Variants in DYNLRB1 observed in about 807,000 individuals in gnomAD.
The protein encoded by DYNLRB1 is ROBL/LC7-like 1.
DYNLRB1 carries 6 observed loss-of-function variants against 13.5 expected under a neutral mutation model. The observed-to-expected ratio is 0.44, with a 90% CI of 0.24 to 0.88. The LOEUF (loss-of-function observed/expected upper bound fraction) is 0.88, where lower values mean the gene tolerates loss of function less well. DYNLRB1 is among the 40% of genes least tolerant of loss of function. DYNLRB1 has a pLI of 0.21. For synonymous variants in DYNLRB1, 43 were observed against 45.0 expected, an observed-to-expected ratio of 0.96 and a Z score of 0.18; for missense variants, 93 against 127.2, an observed-to-expected ratio of 0.73 and a Z score of 1.29.
At chr20:34,526,042 G>A (rs948396461) in intron 1 of DYNLRB1, among the ~76,000 whole-genome samples, 8 of 152,188 alleles carry the variant, frequency 5.3e-5, no homozygotes, top group Non-Finnish European at 1.2e-4. Flanking sequence ...TGGGCAGAGC[G>A]CCAGGAGCAG....
At chr20:34,524,442 C>G (rs11905750) in intron 1 of DYNLRB1, among the ~76,000 whole-genome samples, 254 of 152,294 alleles carry the variant, frequency 1.7e-3, no homozygotes, top group African/African-American at 5.7e-3. Flanking sequence ...CTGCATTCTG[C>G]TATTGCAAAT....
intron 3 of DYNLRB1, chr20:34,536,431 A>C: frequency 1.0e-6 from 1 of 985,398 alleles, no homozygotes; most frequent in Non-Finnish European, 1.2e-6. Flanking sequence ...GTGACTGCAG[A>C]GGACAAAGCT....
intron 1 of DYNLRB1, among the ~76,000 whole-genome samples, chr20:34,521,403 A>T (rs1324573957): frequency 1.3e-5 from 2 of 150,884 alleles, no homozygotes; most frequent in African/African-American, 4.9e-5. Context: ...TCTTTTGTGC[A>T]CTACCTACTA....
At chr20:34,539,814 TA>T (rs1383845640) in intron 3 of DYNLRB1, among the ~76,000 whole-genome samples, 1 of 151,796 alleles carries the variant, frequency 6.6e-6, no homozygotes, top group Non-Finnish European at 1.5e-5. Context: ...AAAAACTTTT[TA>T]AAAATTTACC....
intron 3 of DYNLRB1, chr20:34,536,070 G>T: frequency 1.6e-5 from 16 of 985,392 alleles, no homozygotes; most frequent in Non-Finnish European, 1.9e-5. Context: ...GGCTCCCTGG[G>T]ACACTCCCTA....
At position 34,516,445 on chromosome 20, in the gene DYNLRB1, C is replaced by G. The variant is rs1568595759; in HGVS notation, c.-14C>G. 1.9e-6 allele frequency: 3 copies of G among 1,613,282 alleles called. No homozygotes were observed. The highest frequency in any genetic ancestry group is 4.5e-5 in the East Asian group (2 of 44,838). On this transcript the variant is annotated 5_prime_UTR_variant, in exon 1 of 4. Coordinates refer to ENST00000357156, the MANE Select transcript of DYNLRB1 (RefSeq NM_014183.4). Reference sequence around the variant, plus strand: ...CTAAGTGTTCGCTACGCGGGGCTACCGGATCGGTCGGAAATGGTGAGCGTG... The same window carrying G: ...CTAAGTGTTCGCTACGCGGGGCTACGGGATCGGTCGGAAATGGTGAGCGTG...
rs969867525 is a variant in DYNLRB1, at chr20:34,533,403, G to A, written c.80-1225G>A. On this transcript the variant is annotated intron_variant, in intron 2 of 3. Coordinates refer to ENST00000357156, the MANE Select transcript of DYNLRB1 (RefSeq NM_014183.4). ...GCCTGTTGTACAAACATAGAAACAT[G>A]CTTTAACTTGGCACGGCCATGTGGA... is the stretch of plus-strand genomic sequence containing the variant. 1.0e-5 allele frequency: 9 copies of A among 876,026 alleles called. No homozygotes were observed. In the South Asian group the frequency reaches 3.2e-4, roughly 31 times the overall value. 54.3% of individuals were successfully genotyped at this position (876,026 alleles called of 1,614,324 possible).
intron 1 of DYNLRB1, among the ~76,000 whole-genome samples, chr20:34,522,816 G>T (rs6088516): frequency 6.6e-6 from 1 of 152,150 alleles, no homozygotes; most frequent in South Asian, 2.1e-4. Flanking sequence ...TCTGGTTCTC[G>T]TTGAGTTTCA....
intron 3 of DYNLRB1, chr20:34,536,127 T>TA (rs1414697799): frequency 2.0e-6 from 2 of 985,298 alleles, no homozygotes; most frequent in Non-Finnish European, 2.4e-6. Flanking sequence ...AACATAAGAA[T>TA]AACTCCAGAG....
intron 2 of DYNLRB1, among the ~76,000 whole-genome samples, chr20:34,527,157 T>G (rs1272087212): frequency 2.6e-5 from 4 of 152,208 alleles, no homozygotes; most frequent in Non-Finnish European, 4.4e-5. Context: ...CATCACACAG[T>G]CGAGATTTAA....
chr20:34,531,291 G>T (rs1449624339), intron 2 of DYNLRB1: 1 of 152,216 alleles, frequency 6.6e-6, no homozygotes, highest in Non-Finnish European at 1.5e-5. Flanking sequence ...GTAGATCAGA[G>T]CCCCAAGTTA....
rs773193767 is a variant in DYNLRB1 at position 34,534,580 on chromosome 20, G to A, written c.80-48G>A. 5 of 1,519,686 alleles carry A rather than the reference G, an allele frequency of 3.3e-6. No homozygotes were observed. In the East Asian group the frequency reaches 9.2e-5, roughly 28 times the overall value. 94.1% of individuals were successfully genotyped at this position (1,519,686 alleles called of 1,614,324 possible). A position where few individuals can be genotyped will look rare whatever the true frequency, so the allele number is the denominator to read the frequency against. ...AATTAGGGGTGTGGGTGGGAGCTCG[G>A]CAGAAGGGGCTCCACATCCTCTCAG... On this transcript the variant is annotated intron_variant, in intron 2 of 3. Transcript: ENST00000357156.
intron 1 of DYNLRB1, among the ~76,000 whole-genome samples, chr20:34,520,257 G>A (rs1405961473): frequency 6.6e-6 from 1 of 152,110 alleles, no homozygotes; most frequent in Non-Finnish European, 1.5e-5. Flanking sequence ...TATTTTCCAA[G>A]ATAATGCATG....
chr20:34,540,726 C>A lies in DYNLRB1; in HGVS notation c.*102C>A, dbSNP rs752004340. On this transcript the variant is annotated 3_prime_UTR_variant, in exon 4 of 4. Transcript: ENST00000357156. ...CTAGCACATGGCAGTCGCTTGGAAC[C>A]CACTCACACCAATCCAGTGACCGTG... is the stretch of plus-strand genomic sequence containing the variant. 5 of 1,206,546 alleles carry A rather than the reference C, an allele frequency of 4.1e-6. No homozygotes were observed. The highest frequency in any genetic ancestry group is 6.0e-6 in the Non-Finnish European group (5 of 830,560). The allele number at this position is 1,206,546 out of a possible 1,614,324, so 74.7% of individuals were successfully genotyped here.
At chr20:34,524,669 C>G (rs1980035819) in intron 1 of DYNLRB1, among the ~76,000 whole-genome samples, 1 of 152,150 alleles carries the variant, frequency 6.6e-6, no homozygotes, top group Non-Finnish European at 1.5e-5. Flanking sequence ...GTCCACAGAG[C>G]CCTGTCATTG....
upstream of DYNLRB1, chr20:34,516,290 A>G: frequency 8.7e-7 from 1 of 1,147,996 alleles, no homozygotes; most frequent in Non-Finnish European, 1.2e-6. Flanking sequence ...TGGAAAGCAG[A>G]TTTTCCAAGA....
At chr20:34,534,601 C>T in intron 2 of DYNLRB1, 27 bp from the exon 3 acceptor site, 2 of 1,530,096 alleles carry the variant, frequency 1.3e-6, no homozygotes, top group Non-Finnish European at 1.8e-6. Context: ...TCCACATCCT[C>T]TCAGTCTCCG....
chr20:34,526,359 C>A lies in DYNLRB1; in HGVS notation c.79+16C>A. ...AACACAGAAGGTACGCCCTCCCTCC[C>A]GCCATGACCCGCACCCAGGCAGGCC... is the stretch of plus-strand genomic sequence containing the variant. On this transcript the variant is annotated intron_variant, in intron 2 of 3. Transcript: ENST00000357156. 6.2e-7 allele frequency: 1 copy of A among 1,613,148 alleles called. No individual in the cohort carries two copies. The highest frequency in any genetic ancestry group is 1.1e-5 in the South Asian group (1 of 90,926).
chr20:34,524,134 A>C (rs1331234185), intron 1 of DYNLRB1, among the ~76,000 whole-genome samples: 2 of 152,244 alleles, frequency 1.3e-5, no homozygotes, highest in Non-Finnish European at 2.9e-5. Flanking sequence ...AAATAGAAAC[A>C]ATACAGTAGA....
Sources: gnomAD v4.1 joint callset for allele counts (sites outside exome capture counted in the v4.1 genomes callset) on GRCh38, gnomAD v4.1.1 for gene constraint, MANE v1.5 for transcripts, NCBI Gene and HGNC (gene_info 2026-07-23, HGNC 2026-07-21) for gene names.